SCAF8: variants seen among roughly 807,000 people sequenced by gnomAD.
SCAF8 encodes the protein SR-related CTD associated factor 8.
SCAF8 carries 23 observed loss-of-function variants against 140.5 expected under a neutral mutation model. The observed-to-expected ratio is 0.16, with a 90% confidence interval of 0.12 to 0.23. The LOEUF is 0.23. SCAF8 is among the 10% of genes least tolerant of loss of function. The pLI, the probability that SCAF8 is intolerant of heterozygous loss-of-function variation, is 1.00. For missense variants in SCAF8, 1,397 were observed against 1,555.7 expected (o/e 0.90, Z 1.72); for synonymous variants, 575 against 528.9 (o/e 1.09, Z -1.20).
Position 154,808,092 on chromosome 6 carries a change from A to T in SCAF8, c.1004A>T (p.Glu335Val). The change falls in exon 10 of 20, where the codon GAA (glutamate) becomes GTA (valine). Residue 335 changes from glutamate (E) to valine (V), a missense_variant. By Grantham distance (121) the Glu-to-Val change is moderately radical. Transcript: ENST00000367178. ...PQKATPQDSQ[E>V]GTFGSEHSAS... is the part of the protein sequence containing the mutation. ...TAGGCCACTCCTCAGGATAGTCAGGAAGGAACCTTTGGGTCAGAGCATTCA... is the reference window on the plus strand; with the variant it reads ...TAGGCCACTCCTCAGGATAGTCAGGTAGGAACCTTTGGGTCAGAGCATTCA... 6.2e-7 allele frequency: 1 copy of T among 1,613,984 alleles called. No individual in the cohort carries two copies. The highest frequency in any genetic ancestry group is 8.5e-7 in the Non-Finnish European group (1 of 1,179,870).
chr6:154,832,126 A>G lies in SCAF8; in HGVS notation c.2547A>G (p.Leu849=), dbSNP rs755561775. ...GIIAAQPPNI[L]NNSGILGIQP... ...TTGCAGCCCAACCACCAAATATTCT[A>G]AATAACTCTGGAATATTGGGAATAC... Residue 849 remains leucine, a synonymous_variant, in exon 20 of 20, where the codon CTA becomes CTG. Transcript: ENST00000367178. 8.7e-6 allele frequency: 14 copies of G among 1,614,070 alleles called. No homozygotes were observed. The East Asian group carries it at 1.6e-4, about 18-fold the overall frequency.
At chr6:154,817,667 G>C (rs943821114) in intron 13 of SCAF8, among the ~76,000 whole-genome samples, 1 of 152,178 alleles carries the variant, frequency 6.6e-6, no homozygotes, top group Non-Finnish European at 1.5e-5. Flanking sequence ...AGAGGCAGTA[G>C]CTTGAAGTGT....
At chr6:154,760,077 A>C (rs1488730166) in intron 1 of SCAF8, among the ~76,000 whole-genome samples, 1 of 151,842 alleles carries the variant, frequency 6.6e-6, no homozygotes, top group African/African-American at 2.4e-5. Context: ...GATCACTTGA[A>C]GTCAGGAGTT....
At chr6:154,742,810 T>C (rs1778605005) in intron 1 of SCAF8, among the ~76,000 whole-genome samples, 1 of 152,250 alleles carries the variant, frequency 6.6e-6, no homozygotes, top group African/African-American at 2.4e-5. Flanking sequence ...ATTAAGTTGA[T>C]GTATGACAAA....
At chr6:154,825,997 A>G (rs1348985934) in intron 17 of SCAF8, among the ~76,000 whole-genome samples, 1 of 152,174 alleles carries the variant, frequency 6.6e-6, no homozygotes, top group Non-Finnish European at 1.5e-5. Flanking sequence ...AATTATTTGC[A>G]TATTATAAGA....
intron 3 of SCAF8, among the ~76,000 whole-genome samples, chr6:154,784,159 T>TATATATATA (rs1777182455): frequency 1.2e-4 from 11 of 95,556 alleles, no homozygotes; most frequent in Non-Finnish European, 1.5e-4. Context: ...ATATATATAT[T>TATATATATA]TATTTATTTA....
chr6:154,808,018 C>A, intron 9 of SCAF8, 52 bp from the exon 10 acceptor site: 1 of 1,511,886 alleles, frequency 6.6e-7, no homozygotes, highest in Non-Finnish European at 9.0e-7. Flanking sequence ...CATTTTCATT[C>A]ATAACAAAAA....
At chr6:154,748,600 T>G (rs565060279) in intron 1 of SCAF8, among the ~76,000 whole-genome samples, 11 of 152,336 alleles carry the variant, frequency 7.2e-5, no homozygotes, top group African/African-American at 2.6e-4. Flanking sequence ...TTAATATATT[T>G]GGCTTTTCTT....
At position 154,832,572 on chromosome 6, in the gene SCAF8, A is replaced by C; in HGVS notation, c.2993A>C (p.Glu998Ala). 6.2e-7 allele frequency: 1 copy of C among 1,614,120 alleles called. No homozygotes were observed. The highest frequency in any genetic ancestry group is 8.5e-7 in the Non-Finnish European group (1 of 1,179,992). Residue 998 changes from glutamate (E) to alanine (A), a missense_variant, in exon 20 of 20, where the codon GAA becomes GCA. Glu to Ala is a moderately radical substitution (Grantham distance 107). Transcript: ENST00000367178. ...RQSVDNVTNP[E>A]KRIPLGNDNI... The stretch of plus-strand genomic sequence containing the variant: ...AGCGTAGACAATGTTACTAACCCAG[A>C]AAAAAGGATACCACTTGGGAATGAT...
intron 6 of SCAF8, among the ~76,000 whole-genome samples, chr6:154,800,157 A>C (rs761677750): frequency 5.3e-5 from 8 of 151,350 alleles, no homozygotes; most frequent in African/African-American, 1.2e-4. Flanking sequence ...GCCTCTGCTT[A>C]CTTCCTTCCT....
chr6:154,824,092 A>G, intron 16 of SCAF8, 142 bp from the exon 17 acceptor site: 1 of 733,956 alleles, frequency 1.4e-6, no homozygotes, highest in Non-Finnish European at 2.3e-6. Flanking sequence ...GTTCACTTGC[A>G]AGTATACAAA....
intron 2 of SCAF8, among the ~76,000 whole-genome samples, chr6:154,777,172 G>C (rs9479955): frequency 0.58 from 88,206 of 151,348 alleles, 27,593 homozygotes; most frequent in East Asian, 0.91. Flanking sequence ...CAGAGTGAGA[G>C]TGTGTCTCCA....
intron 6 of SCAF8, among the ~76,000 whole-genome samples, chr6:154,796,571 A>T (rs1216118877): frequency 6.6e-6 from 1 of 152,136 alleles, no homozygotes; most frequent in Non-Finnish European, 1.5e-5. Context: ...AATTAGGATT[A>T]TTGCTTGCTT....
chr6:154,738,223 C>T (rs1778478952), intron 1 of SCAF8, among the ~76,000 whole-genome samples: 1 of 151,844 alleles, frequency 6.6e-6, no homozygotes, highest in African/African-American at 2.4e-5. Flanking sequence ...AAGAAAACCC[C>T]AATAATACAG....
At chr6:154,823,318 C>CTGGT (rs1186738164) in intron 16 of SCAF8, among the ~76,000 whole-genome samples, 9 of 152,246 alleles carry the variant, frequency 5.9e-5, no homozygotes, top group Admixed American at 2.0e-4. Flanking sequence ...AAGGATTGCA[C>CTGGT]TGGTTACTAT....
In SCAF8 at chr6:154,832,474, A is replaced by G. The variant is rs1318205356; in HGVS notation, c.2895A>G (p.Pro965=). The change falls in exon 20 of 20, where the codon CCA becomes CCG. Residue 965 remains proline (P), a synonymous_variant. Coordinates refer to ENST00000367178, the MANE Select transcript of SCAF8 (RefSeq NM_014892.5). ...PSVLDSALHP[P]PRGPFPPGDI... is the part of the protein sequence containing the mutation. ...TACTTGATTCAGCTCTTCATCCACC[A>G]CCCCGTGGACCTTTTCCTCCAGGAG... 6.2e-7 allele frequency: 1 copy of G among 1,613,418 alleles called. No homozygotes were observed. The highest frequency in any genetic ancestry group is 1.7e-5 in the Admixed American group (1 of 59,896).
chr6:154,757,817 CA>C (rs1779003649), intron 1 of SCAF8, among the ~76,000 whole-genome samples: 1 of 152,080 alleles, frequency 6.6e-6, no homozygotes, highest in Non-Finnish European at 1.5e-5. Context: ...TTGATAGCTC[CA>C]TCATCTGTGT....
At chr6:154,758,159 G>C (rs989973434) in intron 1 of SCAF8, among the ~76,000 whole-genome samples, 1 of 152,102 alleles carries the variant, frequency 6.6e-6, no homozygotes, top group African/African-American at 2.4e-5. Flanking sequence ...CAGTCTGCCT[G>C]CCTTGGCCTC....
At chr6:154,826,573 A>G (rs1778572332) in intron 17 of SCAF8, among the ~76,000 whole-genome samples, 1 of 152,190 alleles carries the variant, frequency 6.6e-6, no homozygotes, top group African/African-American at 2.4e-5. Flanking sequence ...AAGCAAATTT[A>G]TAGTGTGGTA....
Sources: gnomAD v4.1 joint callset for allele counts (sites outside exome capture counted in the v4.1 genomes callset) on GRCh38, gnomAD v4.1.1 for gene constraint, MANE v1.5 for transcripts, NCBI Gene and HGNC (gene_info 2026-07-23, HGNC 2026-07-21) for gene names.